Variants in SARM1 observed in about 807,000 individuals in gnomAD.
The protein encoded by SARM1 is sterile alpha and TIR motif containing 1.
SARM1 carries 60 observed loss-of-function variants against 65.1 expected under a neutral mutation model. That is an observed-to-expected ratio of 0.92 (90% CI 0.75 to 1.14). The LOEUF (loss-of-function observed/expected upper bound fraction) is 1.14. Ranked by LOEUF, SARM1 falls within the 50% of genes most tolerant of loss-of-function variation. SARM1 has a pLI of 0.00. For synonymous variants in SARM1, 417 were observed against 465.4 expected (o/e 0.90, Z 1.34); for missense variants, 913 against 1,015.7 (o/e 0.90, Z 1.37).
At chr17:28,388,096 G>A in intron 5 of SARM1, 78 bp from the exon 6 acceptor site, 1 of 1,156,700 alleles carries the variant, frequency 8.6e-7, no homozygotes, top group Non-Finnish European at 1.3e-6. Context: ...TGGGGACTAA[G>A]TCCACAAGGG....
chr17:28,384,978 C>G lies in SARM1; in HGVS notation c.1394+48C>G, dbSNP rs781893231. 2.5e-6 allele frequency: 4 copies of G among 1,596,100 alleles called. No homozygotes were observed. The South Asian group carries it at 4.5e-5, about 18-fold the overall frequency. ...GACCCCAGCTAGGTCTAAATAAGCTCCCCCTCCGCCCACAGCCCGTCCGAG... is the reference window on the plus strand; with the variant it reads ...GACCCCAGCTAGGTCTAAATAAGCTGCCCCTCCGCCCACAGCCCGTCCGAG... On this transcript the variant is annotated intron_variant, in intron 4 of 8. Transcript: ENST00000585482. This position sits in a 1 kb window ranked among gnomAD's most constrained non-coding sequence, Gnocchi z 4.4.
rs1474185080 is a variant in SARM1 at position 28,385,649 on chromosome 17, A to T, written c.1630+374A>T. Among the ~76,000 whole-genome samples, 3 of 152,124 alleles carry T rather than the reference A, an allele frequency of 2.0e-5. No individual in the cohort carries two copies. The East Asian group carries it at 5.8e-4, about 29-fold the overall frequency. On this transcript the variant is annotated intron_variant, in intron 5 of 8. Transcript: ENST00000585482. The surrounding 1 kb of genome is among the most constrained non-coding windows in gnomAD (Gnocchi z 4.5). ...AGGTGCACTGGCGGGGAGGGGTGGCAACAGGAAGGGCAGCCCAGGCAGAGG... is the reference window on the plus strand; with the variant it reads ...AGGTGCACTGGCGGGGAGGGGTGGCTACAGGAAGGGCAGCCCAGGCAGAGG...
At chr17:28,383,935 A>G (rs189959301) in intron 2 of SARM1, among the ~76,000 whole-genome samples, 53 of 152,288 alleles carry the variant, frequency 3.5e-4, no homozygotes, top group Non-Finnish European at 1.3e-4. Context: ...GGGTTTGGAA[A>G]CATAGTGGGC....
chr17:28,376,749 C>T (rs905661755), intron 1 of SARM1, among the ~76,000 whole-genome samples: 1 of 152,100 alleles, frequency 6.6e-6, no homozygotes, highest in Non-Finnish European at 1.5e-5. Context: ...GAATTACAGA[C>T]ATGAGCCACT....
At chr17:28,383,582 G>T (rs745834568) in intron 2 of SARM1, among the ~76,000 whole-genome samples, 2 of 152,150 alleles carry the variant, frequency 1.3e-5, no homozygotes, top group African/African-American at 4.8e-5. Context: ...GATCTGGGCC[G>T]CAACCATGAT....
chr17:28,380,292 G>A (rs1299496324), intron 1 of SARM1, among the ~76,000 whole-genome samples: 1 of 151,974 alleles, frequency 6.6e-6, no homozygotes, highest in Non-Finnish European at 1.5e-5. Context: ...CCTCAAACAC[G>A]TCAGCTCCTC....
At chr17:28,381,045 C>T (rs1035685600) in intron 1 of SARM1, among the ~76,000 whole-genome samples, 158 bp from the exon 2 acceptor site, 2 of 152,104 alleles carry the variant, frequency 1.3e-5, no homozygotes, top group Admixed American at 1.3e-4. Context: ...GGGGTCCTCC[C>T]AGGGGAGGAG....
chr17:28,400,906 A>G lies in SARM1; in HGVS notation c.*4620A>G. 1 of 761,684 alleles carries G rather than the reference A, an allele frequency of 1.3e-6. No homozygotes were observed. The highest frequency in any genetic ancestry group is 1.5e-5 in the South Asian group (1 of 66,058). The allele number at this position is 761,684 out of a possible 1,614,324, so 47.2% of individuals were successfully genotyped here. On this transcript the variant is annotated 3_prime_UTR_variant, in exon 9 of 9. Transcript: ENST00000585482. ...CCTCACCAGTAAATCCTGCTACATC[A>G]TGTACTGTGACAAGGATTCAGTAAG...
chr17:28,384,961 C>T lies in SARM1; in HGVS notation c.1394+31C>T. ...GAGCCTCCTGCCCGCCGGACCCCAG[C>T]TAGGTCTAAATAAGCTCCCCCTCCG... is the stretch of plus-strand genomic sequence containing the variant. On this transcript the variant is annotated intron_variant, in intron 4 of 8. Transcript: ENST00000585482. This position sits in a 1 kb window ranked among gnomAD's most constrained non-coding sequence, Gnocchi z 4.4. The T allele has an allele frequency of 6.3e-7, 1 of 1,584,478 alleles. No homozygotes were observed. Among genetic ancestry groups the T allele is most frequent in the Non-Finnish European group, 8.6e-7 (1 of 1,164,846 alleles).
chr17:28,387,028 C>T lies in SARM1; in HGVS notation c.1631-1146C>T, dbSNP rs530470715. Reference sequence around the variant, plus strand: ...TGTTGAGATTACGGGCGTGGGCCACCGCACCCAGCGCAAGATTTCATTTTT... The same window carrying T: ...TGTTGAGATTACGGGCGTGGGCCACTGCACCCAGCGCAAGATTTCATTTTT... On this transcript the variant is annotated intron_variant, in intron 5 of 8. Coordinates refer to ENST00000585482, the MANE Select transcript of SARM1 (RefSeq NM_015077.4). Among the ~76,000 whole-genome samples, 19 of 152,108 alleles carry T rather than the reference C, an allele frequency of 1.2e-4. No homozygotes were observed. In the East Asian group the frequency reaches 2.5e-3, roughly 20 times the overall value.
Position 28,384,220 on chromosome 17 carries a change from CT to C in SARM1, c.1090-135del. 1 of 648,610 alleles carries C rather than the reference CT, an allele frequency of 1.5e-6. No homozygotes were observed. Among genetic ancestry groups the C allele is most frequent in the Non-Finnish European group, 2.6e-6 (1 of 389,316 alleles). 40.2% of individuals were successfully genotyped at this position (648,610 alleles called of 1,614,324 possible). ...AGGGGGAATCCGCAGGACCCCATGA[CT>C]TAGTGGCTGAAGGTGGGGCCAGGGC... On this transcript the variant is annotated intron_variant, in intron 2 of 8. Transcript: ENST00000585482. This position sits in a 1 kb window ranked among gnomAD's most constrained non-coding sequence, Gnocchi z 4.4.
rs1243728780 is a variant in SARM1, at chr17:28,388,191, C to T, written c.1648C>T (p.Leu550=). 1.3e-6 allele frequency: 2 copies of T among 1,549,840 alleles called. No individual in the cohort carries two copies. Among genetic ancestry groups the T allele is most frequent in the African/African-American group, 1.4e-5 (1 of 73,094 alleles). Residue 550 remains leucine, a synonymous_variant, in exon 6 of 9, where the codon CTG becomes TTG. Coordinates refer to ENST00000585482, the MANE Select transcript of SARM1 (RefSeq NM_015077.4). ...TAAREMLHSP[L]PCTGGKPSGD... is the part of the protein sequence containing the mutation. ...CACTTCAGAAATGCTACACTCCCCGCTGCCCTGTACTGGTGGCAAACCCAG... is the reference window on the plus strand; with the variant it reads ...CACTTCAGAAATGCTACACTCCCCGTTGCCCTGTACTGGTGGCAAACCCAG...
At position 28,396,419 on chromosome 17, in the gene SARM1, G is replaced by C. The variant is rs1555588022; in HGVS notation, c.*133G>C. 3.0e-6 allele frequency: 3 copies of C among 1,011,620 alleles called. No individual in the cohort carries two copies. Among genetic ancestry groups the C allele is most frequent in the South Asian group, 3.1e-5 (2 of 65,224 alleles). 62.7% of individuals were successfully genotyped at this position (1,011,620 alleles called of 1,614,324 possible). A position where few individuals can be genotyped will look rare whatever the true frequency, so the allele number is the denominator to read the frequency against. The stretch of plus-strand genomic sequence containing the variant: ...TTAGGAAATGGCTCTCCCTCCCCCT[G>C]TCCCCCACCCTCATGGCCCACCTCC... On this transcript the variant is annotated 3_prime_UTR_variant, in exon 9 of 9. Coordinates refer to ENST00000585482, the MANE Select transcript of SARM1 (RefSeq NM_015077.4).
Position 28,388,215 on chromosome 17 carries a change from AGTGGG to A in SARM1, c.1674_1678del (p.Ser558ArgfsTer35), listed in dbSNP as rs782778202. ...GCTGCCCTGTACTGGTGGCAAACCC[AGTGGG>A]GACACTCCAGATGTCTTCATCAGCT... On this transcript the variant is annotated frameshift_variant, in exon 6 of 9. Transcript: ENST00000585482. LOFTEE classifies it high-confidence loss of function. 1 of 1,550,498 alleles carries A rather than the reference AGTGGG, an allele frequency of 6.4e-7. No individual in the cohort carries two copies. The highest frequency in any genetic ancestry group is 2.4e-5 in the East Asian group (1 of 40,940).
intron 5 of SARM1, among the ~76,000 whole-genome samples, chr17:28,386,291 A>G (rs1263640022): frequency 6.6e-6 from 1 of 152,244 alleles, no homozygotes; most frequent in East Asian, 1.9e-4. Context: ...CCTAGGCAGC[A>G]GGAGTGAGAC....
At position 28,396,321 on chromosome 17, in the gene SARM1, C is replaced by T. The variant is rs1179473152; in HGVS notation, c.*35C>T. 3 of 1,611,408 alleles carry T rather than the reference C, an allele frequency of 1.9e-6. No homozygotes were observed. In the African/African-American group the frequency reaches 4.0e-5, roughly 22 times the overall value. ...AGTTCCCCAGCCCTGCTGTGACTTCCATTTCCATCGTCCTTTCTGAAGGAA... is the reference window on the plus strand; with the variant it reads ...AGTTCCCCAGCCCTGCTGTGACTTCTATTTCCATCGTCCTTTCTGAAGGAA... On this transcript the variant is annotated 3_prime_UTR_variant, in exon 9 of 9. Transcript: ENST00000585482.
Position 28,372,659 on chromosome 17 carries a change from A to G in SARM1, c.470+157A>G, listed in dbSNP as rs1290911459. Among the ~76,000 whole-genome samples the G allele has an allele frequency of 6.6e-6, 1 of 152,244 alleles. No individual in the cohort carries two copies. Among genetic ancestry groups the G allele is most frequent in the Non-Finnish European group, 1.5e-5 (1 of 68,042 alleles). On this transcript the variant is annotated intron_variant, in intron 1 of 8. Coordinates refer to ENST00000585482, the MANE Select transcript of SARM1 (RefSeq NM_015077.4). This position sits in a 1 kb window ranked among gnomAD's most constrained non-coding sequence, Gnocchi z 5.2. ...GGGTCAGCCTGTCTGTTTCACAGAT[A>G]AGGAAACTGAGCCTTGGGAAAGTTT...
chr17:28,390,678 T>TA (rs1305269352), intron 7 of SARM1, among the ~76,000 whole-genome samples: 212 of 129,806 alleles, frequency 1.6e-3, no homozygotes, highest in South Asian at 1.7e-3. Context: ...TTGGGCAAGA[T>TA]AAAAAAAAAA....
At position 28,402,307 on chromosome 17, in the gene SARM1, A is replaced by G; in HGVS notation, c.*6021A>G. 1 of 1,613,404 alleles carries G rather than the reference A, an allele frequency of 6.2e-7. No homozygotes were observed. Among genetic ancestry groups the G allele is most frequent in the Non-Finnish European group, 8.5e-7 (1 of 1,179,652 alleles). On this transcript the variant is annotated 3_prime_UTR_variant, in exon 9 of 9. Coordinates refer to ENST00000585482, the MANE Select transcript of SARM1 (RefSeq NM_015077.4). ...ACAGGTGTGATGACTAATGACAGGAAAAGCAACCCATATCCTGTGGAGAAA... is the reference window on the plus strand; with the variant it reads ...ACAGGTGTGATGACTAATGACAGGAGAAGCAACCCATATCCTGTGGAGAAA...
Sources: allele counts gnomAD v4.1 joint callset (sites outside exome capture counted in the v4.1 genomes callset), GRCh38; gene constraint gnomAD v4.1.1; non-coding constraint Gnocchi (gnomAD v3.1); transcripts MANE v1.5; gene names NCBI Gene and HGNC (gene_info 2026-07-23, HGNC 2026-07-21).